Variants in INTS12 observed in about 807,000 individuals in gnomAD.
INTS12 encodes integrator complex subunit 12, also known as PHD finger protein 22.
Under a neutral mutation model 41.6 loss-of-function variants are expected in INTS12, and 13 were observed. The observed-to-expected ratio is 0.31, with a 90% CI of 0.20 to 0.50. INTS12 has a LOEUF of 0.50. Ranked by LOEUF, INTS12 falls within the 20% of genes least tolerant of loss-of-function variation. The pLI, the probability that INTS12 is intolerant of heterozygous loss-of-function variation, is 0.98. For synonymous variants in INTS12, 199 were observed against 191.4 expected, an observed-to-expected ratio of 1.04 and a Z score of -0.33; for missense variants, 432 against 541.6, an observed-to-expected ratio of 0.80 and a Z score of 2.01.
At chr4:105,704,258 G>C (rs1399343791) in intron 1 of INTS12, among the ~76,000 whole-genome samples, 1 of 152,126 alleles carries the variant, frequency 6.6e-6, no homozygotes, top group Non-Finnish European at 1.5e-5. Context: ...ACATACGATT[G>C]TCCCTCCTAC....
chr4:105,683,079 A>G lies in INTS12; in HGVS notation c.1043T>C (p.Ile348Thr), dbSNP rs1181146167. ...TSSKGGIGSK[I>T]GSNNSTTPTV... ...GGGCGTAGTGCTGTTATTGGAACCT[A>G]TTTTGGAACCTATTCCACCTTTGGA... is the stretch of plus-strand genomic sequence containing the variant. Residue 348 changes from isoleucine (I) to threonine (T), a missense_variant, in exon 8 of 8, where the codon ATA becomes ACA. By Grantham distance (89) the Ile-to-Thr change is moderately conservative. This residue lies in a region of INTS12 where 258 missense variants were observed against 309.9 expected (regional missense o/e 0.83). Coordinates refer to ENST00000340139, the MANE Select transcript of INTS12 (RefSeq NM_020395.4). The G allele has an allele frequency of 5.6e-6, 9 of 1,613,966 alleles. No individual in the cohort carries two copies. The highest frequency in any genetic ancestry group is 7.6e-6 in the Non-Finnish European group (9 of 1,179,956).
rs370124072 is a variant in INTS12, at chr4:105,708,269, C to G, written c.-172+369G>C. 2.6e-5 allele frequency: 26 copies of G among 985,440 alleles called. No individual in the cohort carries two copies. The African/African-American group carries it at 3.8e-4, about 15-fold the overall frequency. 61.0% of individuals were successfully genotyped at this position (985,440 alleles called of 1,614,324 possible). A position where few individuals can be genotyped will look rare whatever the true frequency, so the allele number is the denominator to read the frequency against. ...TCAATCCTTTGATCAAAGCATCACA[C>G]ATCGAAGTCCTAGAATGGGGGATGG... On this transcript the variant is annotated intron_variant, in intron 1 of 7. Transcript: ENST00000340139.
chr4:105,706,425 T>C (rs1195659885), intron 1 of INTS12: 1 of 151,816 alleles, frequency 6.6e-6, no homozygotes, highest in Non-Finnish European at 1.5e-5. Context: ...CATGCCCAGG[T>C]AATTTTGTTG....
chr4:105,704,748 A>G lies in INTS12; in HGVS notation c.-171-939T>C, dbSNP rs553906501. Among the ~76,000 whole-genome samples, 3 of 152,132 alleles carry G rather than the reference A, an allele frequency of 2.0e-5. No individual in the cohort carries two copies. In the South Asian group the frequency reaches 6.2e-4, roughly 32 times the overall value. On this transcript the variant is annotated intron_variant, in intron 1 of 7. Coordinates refer to ENST00000340139, the MANE Select transcript of INTS12 (RefSeq NM_020395.4). ...CCTCTAGTAATCCCTTTTTCAAATG[A>G]TATTTACCCTATTGCCCAAGCCAGT...
chr4:105,708,603 G>A (rs964508066), intron 1 of INTS12, 35 bp downstream of exon 1: 6 of 985,116 alleles, frequency 6.1e-6, no homozygotes, highest in African/African-American at 5.2e-5. Flanking sequence ...CGAGCCTCCA[G>A]GAGGCCAGGA....
chr4:105,691,913 G>T, intron 6 of INTS12, 63 bp downstream of exon 6: 14 of 1,214,760 alleles, frequency 1.2e-5, no homozygotes, highest in South Asian at 5.9e-5. Flanking sequence ...TCTTTGTTTT[G>T]AAAGCACATA....
At chr4:105,691,361 T>C (rs1731676836) in intron 6 of INTS12, among the ~76,000 whole-genome samples, 1 of 152,196 alleles carries the variant, frequency 6.6e-6, no homozygotes, top group African/African-American at 2.4e-5. Context: ...TGAATAAAAG[T>C]TAGAAAACTA....
chr4:105,688,335 A>G (rs929784381), intron 6 of INTS12, among the ~76,000 whole-genome samples: 2 of 152,166 alleles, frequency 1.3e-5, no homozygotes, highest in Non-Finnish European at 2.9e-5. Flanking sequence ...CCATTTCTGG[A>G]AGCCAGAATT....
At chr4:105,694,421 G>A (rs1389483620) in intron 4 of INTS12, among the ~76,000 whole-genome samples, 2 of 152,126 alleles carry the variant, frequency 1.3e-5, no homozygotes, top group African/African-American at 2.4e-5. Context: ...CGCCTGCTGG[G>A]TTAGAGTGAT....
Position 105,699,481 on chromosome 4 carries a change from C to G in INTS12, c.156+369G>C, listed in dbSNP as rs1731982839. 2.6e-5 allele frequency among the ~76,000 whole-genome samples: 4 copies of G among 152,054 alleles called. No homozygotes were observed. The South Asian group carries it at 8.3e-4, about 32-fold the overall frequency. On this transcript the variant is annotated intron_variant, in intron 3 of 7. Coordinates refer to ENST00000340139, the MANE Select transcript of INTS12 (RefSeq NM_020395.4). ...CAATTTATTTTGTTGAAAGATCTGT[C>G]CTTTTACTTGATTTTTTTTAATCCT...
intron 6 of INTS12, among the ~76,000 whole-genome samples, chr4:105,690,040 T>C (rs1731629775): frequency 6.6e-6 from 1 of 152,214 alleles, no homozygotes; most frequent in Non-Finnish European, 1.5e-5. Context: ...TTAGATATTA[T>C]TTGCAAAGCA....
rs930481469 is a variant in INTS12 at position 105,693,218 on chromosome 4, T to C, written c.497+81A>G. The C allele has an allele frequency of 1.8e-5, 21 of 1,175,732 alleles. No individual in the cohort carries two copies. In the African/African-American group the frequency reaches 2.9e-4, roughly 16 times the overall value. The allele number at this position is 1,175,732 out of a possible 1,614,324, so 72.8% of individuals were successfully genotyped here. A position where few individuals can be genotyped will look rare whatever the true frequency, so the allele number is the denominator to read the frequency against. On this transcript the variant is annotated intron_variant, in intron 5 of 7. Coordinates refer to ENST00000340139, the MANE Select transcript of INTS12 (RefSeq NM_020395.4). ...AATAGAAAATGCACAACAATTTTTC[T>C]GATTTTGGGGGTTGAGGAGTGGAAA...
At chr4:105,695,041 C>T (rs79571438) in intron 4 of INTS12, among the ~76,000 whole-genome samples, 1 of 126,866 alleles carries the variant, frequency 7.9e-6, no homozygotes, top group South Asian at 3.1e-4. Context: ...CCTCCCACCC[C>T]CCACCCGCCC....
At position 105,699,965 on chromosome 4, in the gene INTS12, A is replaced by C; in HGVS notation, c.41T>G (p.Leu14Trp). 1 of 1,529,106 alleles carries C rather than the reference A, an allele frequency of 6.5e-7. No homozygotes were observed. The highest frequency in any genetic ancestry group is 8.9e-7 in the Non-Finnish European group (1 of 1,122,056). The allele number at this position is 1,529,106 out of a possible 1,614,324, so 94.7% of individuals were successfully genotyped here. Residue 14 changes from leucine to tryptophan, a missense_variant, in exon 3 of 8, where the codon TTG (leucine) becomes TGG (tryptophan). By Grantham distance (61) the Leu-to-Trp change is moderately conservative (BLOSUM62 -2). Transcript: ENST00000340139. Reference protein sequence around the residue: ...TVNLELDPIFLKALGFLHSKS... With the variant: ...TVNLELDPIFWKALGFLHSKS... ...TGAATGCAAGAAACCTAGTGCTTTC[A>C]AAAAAATGGGATCAAGTTCCAAGTT...
At chr4:105,708,157 G>A in intron 1 of INTS12, 1 of 985,306 alleles carries the variant, frequency 1.0e-6, no homozygotes, top group Non-Finnish European at 1.2e-6. Context: ...GATACCTTAG[G>A]GACACCTGGA....
intron 1 of INTS12, 122 bp from the exon 2 acceptor site, chr4:105,703,931 T>G (rs1732172386): frequency 6.6e-6 from 1 of 152,188 alleles, no homozygotes; most frequent in Non-Finnish European, 1.5e-5. Flanking sequence ...AAGGTAGCTC[T>G]CTATGTAGTG....
chr4:105,703,529 C>T (rs552112823), intron 2 of INTS12, 119 bp downstream of exon 2: 1 of 152,308 alleles, frequency 6.6e-6, no homozygotes, highest in African/African-American at 2.4e-5. Flanking sequence ...ATACCTCTTT[C>T]AGTACTCTAG....
At chr4:105,686,996 T>C in intron 6 of INTS12, 158 bp from the exon 7 acceptor site, 1 of 637,646 alleles carries the variant, frequency 1.6e-6, no homozygotes, top group Non-Finnish European at 2.7e-6. Flanking sequence ...GACAAATTAT[T>C]ATCATATTAA....
chr4:105,689,556 T>C (rs1387888645), intron 6 of INTS12, among the ~76,000 whole-genome samples: 1 of 152,196 alleles, frequency 6.6e-6, no homozygotes, highest in Non-Finnish European at 1.5e-5. Flanking sequence ...ACTCCCCATT[T>C]AGTACTTTGA....
Sources: gnomAD v4.1 joint callset for allele counts (sites outside exome capture counted in the v4.1 genomes callset) on GRCh38, gnomAD v4.1.1 for gene constraint, gnomAD v4.1.1 regional missense constraint, MANE v1.5 for transcripts, NCBI Gene and HGNC (gene_info 2026-07-23, HGNC 2026-07-21) for gene names.